IL1RAPL1: variants seen among roughly 807,000 people sequenced by gnomAD.
The protein encoded by IL1RAPL1 is interleukin-1 receptor accessory protein-like 1.
Under a neutral mutation model 48.4 loss-of-function variants are expected in IL1RAPL1, and 3 were observed. That is an observed-to-expected ratio of 0.06 (90% CI 0.03 to 0.16). The LOEUF is 0.16. Among genes scored for constraint, IL1RAPL1 ranks in the 10% least tolerant of loss-of-function variants. IL1RAPL1 has a pLI of 1.00. For missense variants in IL1RAPL1, 349 were observed against 530.6 expected (o/e 0.66, Z 3.36); for synonymous variants, 185 against 187.7 (o/e 0.99, Z 0.12).
intron 2 of IL1RAPL1, among the ~76,000 whole-genome samples, chrX:29,194,219 T>C (rs1930402041): frequency 8.9e-6 from 1 of 112,939 alleles, no homozygotes; most frequent in Non-Finnish European, 1.9e-5. Context: ...ATTATGATTA[T>C]TTAACAAATA....
chrX:29,102,417 A>G (rs1415025952), intron 2 of IL1RAPL1, among the ~76,000 whole-genome samples: 1 of 111,963 alleles, frequency 8.9e-6, no homozygotes, highest in Non-Finnish European at 1.9e-5. Context: ...CTATAATCCC[A>G]CCACTTTGGG....
intron 3 of IL1RAPL1, among the ~76,000 whole-genome samples, chrX:29,386,358 C>G (rs1190409914): frequency 1.8e-5 from 2 of 110,482 alleles, no homozygotes. Flanking sequence ...AATACCCATC[C>G]CAGTGTTTGA....
intron 1 of IL1RAPL1, among the ~76,000 whole-genome samples, chrX:28,663,094 AAAG>A (rs1312119947): frequency 2.7e-5 from 3 of 112,283 alleles, no homozygotes; most frequent in African/African-American, 6.5e-5. Flanking sequence ...TAGAGTGACC[AAAG>A]AAGAAGAAAG....
intron 1 of IL1RAPL1, among the ~76,000 whole-genome samples, chrX:28,625,250 T>A (rs1375448974): frequency 9.0e-6 from 1 of 111,596 alleles, no homozygotes; most frequent in Non-Finnish European, 1.9e-5. Context: ...GTTAGAACAG[T>A]GAACTGATGC....
rs1248540072 is a variant in IL1RAPL1, at chrX:29,941,655, A to G, written c.1062A>G (p.Leu354=). 9.9e-6 allele frequency: 12 copies of G among 1,210,118 alleles called. No homozygotes were observed. Among genetic ancestry groups the G allele is most frequent in the Non-Finnish European group, 1.3e-5 (12 of 893,957 alleles). The change falls in exon 9 of 11, where the codon CTA becomes CTG. Residue 354 remains leucine (L), a synonymous_variant. Transcript: ENST00000378993. ...ATTGTGGTTTTTTCTTTCTAGAGCT[A>G]ATGTACACAGTGGAACTTGCTGGAG... ...HASVLLHKRE[L]MYTVELAGGL...
chrX:29,417,010 G>A (rs1286954975), intron 5 of IL1RAPL1, among the ~76,000 whole-genome samples: 1 of 111,572 alleles, frequency 9.0e-6, no homozygotes, highest in African/African-American at 3.3e-5. Context: ...TGATATGACA[G>A]TTTAATAATT....
In IL1RAPL1 at chrX:29,933,369, A is replaced by G. The variant is rs776044143; in HGVS notation, c.1058-8282A>G. 9.3e-4 allele frequency among the ~76,000 whole-genome samples: 104 copies of G among 111,736 alleles called. 1 individual carries two copies. The highest frequency in any genetic ancestry group is 3.1e-3 in the African/African-American group (96 of 30,796). ...AATAATTTTTAAATCTATACTATGAAGTTGATCATTTTTCTATATATTAAA... is the reference window on the plus strand; with the variant it reads ...AATAATTTTTAAATCTATACTATGAGGTTGATCATTTTTCTATATATTAAA... On this transcript the variant is annotated intron_variant, in intron 8 of 10. Coordinates refer to ENST00000378993, the MANE Select transcript of IL1RAPL1 (RefSeq NM_014271.4).
intron 2 of IL1RAPL1, among the ~76,000 whole-genome samples, chrX:28,868,150 T>A (rs757805670): frequency 9.0e-6 from 1 of 111,650 alleles, no homozygotes; most frequent in South Asian, 3.7e-4. Context: ...TTGTCAAATC[T>A]TAGGGCCTAT....
At chrX:29,633,332 CTT>C (rs1454819954) in intron 5 of IL1RAPL1, among the ~76,000 whole-genome samples, 1 of 110,888 alleles carries the variant, frequency 9.0e-6, no homozygotes, top group East Asian at 2.8e-4. Flanking sequence ...CAGAATAGTA[CTT>C]ACCTTTGCTG....
chrX:29,899,188 C>A (rs1361731112), intron 6 of IL1RAPL1, among the ~76,000 whole-genome samples: 1 of 110,396 alleles, frequency 9.1e-6, no homozygotes, highest in Non-Finnish European at 1.9e-5. Flanking sequence ...AAAGGTAACA[C>A]CATGAGGGAG....
At chrX:29,789,780 C>CTTTT (rs143889631) in intron 6 of IL1RAPL1, among the ~76,000 whole-genome samples, 1 of 81,883 alleles carries the variant, frequency 1.2e-5, no homozygotes, top group Admixed American at 1.4e-4. Flanking sequence ...TCATGAGTTT[C>CTTTT]TTTTTTTTTT....
rs187030049 is a variant in IL1RAPL1 at position 28,798,272 on chromosome X, G to A, written c.82+8847G>A. Among the ~76,000 whole-genome samples the A allele has an allele frequency of 5.9e-3, 661 of 111,862 alleles. 4 individuals carry two copies. The highest frequency in any genetic ancestry group is 8.4e-3 in the Non-Finnish European group (444 of 53,169). ...TCCACTGGTGGTCAACTATAGGCTTGCACGTGATCCATAAGGTGGCTTGGA... is the reference window on the plus strand; with the variant it reads ...TCCACTGGTGGTCAACTATAGGCTTACACGTGATCCATAAGGTGGCTTGGA... On this transcript the variant is annotated intron_variant, in intron 2 of 10. Coordinates refer to ENST00000378993, the MANE Select transcript of IL1RAPL1 (RefSeq NM_014271.4).
At chrX:28,607,901 G>C (rs1176695169) in intron 1 of IL1RAPL1, among the ~76,000 whole-genome samples, 1 of 111,059 alleles carries the variant, frequency 9.0e-6, no homozygotes, top group Non-Finnish European at 1.9e-5. Context: ...CAGAAACTGA[G>C]GGTATCTGAA....
At position 29,525,995 on chromosome X, in the gene IL1RAPL1, G is replaced by T. The variant is rs140937850; in HGVS notation, c.703+126687G>T. Among the ~76,000 whole-genome samples, 32 of 111,773 alleles carry T rather than the reference G, an allele frequency of 2.9e-4. No homozygotes were observed. The East Asian group carries it at 8.4e-3, about 29-fold the overall frequency. ...AGAGATGGGAGTTCAGAGTGTCATT[G>T]TAAAATACATGGAAATACCTAATGT... On this transcript the variant is annotated intron_variant, in intron 5 of 10. Transcript: ENST00000378993.
At chrX:28,748,625 AT>A (rs1936006047) in intron 1 of IL1RAPL1, among the ~76,000 whole-genome samples, 1 of 111,922 alleles carries the variant, frequency 8.9e-6, no homozygotes, top group Non-Finnish European at 1.9e-5. Context: ...CTTCAAATGT[AT>A]TTTTCCCTTG....
intron 9 of IL1RAPL1, among the ~76,000 whole-genome samples, chrX:29,945,774 C>G (rs1335136927): frequency 1.8e-5 from 2 of 111,984 alleles, no homozygotes; most frequent in African/African-American, 3.2e-5. Context: ...CATTACCTGG[C>G]TATATCAGTT....
chrX:29,839,073 A>C (rs2147192421), intron 6 of IL1RAPL1, among the ~76,000 whole-genome samples: 1 of 112,581 alleles, frequency 8.9e-6, no homozygotes, highest in African/African-American at 3.2e-5. Flanking sequence ...TCCATTGGCA[A>C]AATGGCCAAG....
intron 1 of IL1RAPL1, among the ~76,000 whole-genome samples, chrX:28,774,748 C>T (rs2147258557): frequency 9.0e-6 from 1 of 111,570 alleles, no homozygotes; most frequent in Admixed American, 9.5e-5. Context: ...TAACAAGAGG[C>T]AAGGGTCATA....
intron 1 of IL1RAPL1, among the ~76,000 whole-genome samples, chrX:28,746,390 TG>T (rs1235667418): frequency 3.6e-5 from 4 of 111,786 alleles, no homozygotes; most frequent in African/African-American, 1.3e-4. Context: ...AGCGGTAGAA[TG>T]GGTTGAAAAT....
Sources: allele counts gnomAD v4.1 joint callset (sites outside exome capture counted in the v4.1 genomes callset), GRCh38; gene constraint gnomAD v4.1.1; transcripts MANE v1.5; gene names NCBI Gene and HGNC (gene_info 2026-07-23, HGNC 2026-07-21).